STK32C: variants seen among roughly 807,000 people sequenced by gnomAD.
STK32C encodes serine/threonine-protein kinase 32C.
STK32C carries 31 observed loss-of-function variants against 56.5 expected under a neutral mutation model. The ratio of observed to expected loss-of-function variants is 0.55; its 90% CI spans 0.41 to 0.74. STK32C has a LOEUF of 0.74. STK32C is among the 30% of genes least tolerant of loss of function. The pLI, the probability that STK32C is intolerant of heterozygous loss-of-function variation, is 0.00. For synonymous variants in STK32C, 309 were observed against 289.4 expected (o/e 1.07, Z -0.69); for missense variants, 544 against 676.9 (o/e 0.80, Z 2.18).
intron 1 of STK32C, among the ~76,000 whole-genome samples, chr10:132,275,856 G>A (rs2064979758): frequency 6.6e-6 from 1 of 152,136 alleles, no homozygotes; most frequent in Admixed American, 6.5e-5. Flanking sequence ...CCCACCTCCT[G>A]GCATCTCTGA....
chr10:132,320,052 C>G (rs1339972659), downstream of STK32C, among the ~76,000 whole-genome samples: 1 of 151,796 alleles, frequency 6.6e-6, no homozygotes, highest in East Asian at 1.9e-4. Flanking sequence ...TACAGGAGAC[C>G]TCATACAGTA....
At chr10:132,284,009 C>T (rs2065298749) in intron 1 of STK32C, among the ~76,000 whole-genome samples, 1 of 152,078 alleles carries the variant, frequency 6.6e-6, no homozygotes, top group South Asian at 2.1e-4. Context: ...GGAATGTGCC[C>T]TTCTCTGTCA....
intron 1 of STK32C, among the ~76,000 whole-genome samples, chr10:132,280,373 G>A (rs183296536): frequency 9.5e-5 from 13 of 137,326 alleles, no homozygotes; most frequent in East Asian, 4.5e-4. Context: ...CCTGCACTCC[G>A]TGATCACGAC....
At chr10:132,217,039 C>T (rs56162132) in intron 10 of STK32C, among the ~76,000 whole-genome samples, 17,534 of 152,016 alleles carry the variant, frequency 0.12, 1,363 homozygotes, top group South Asian at 0.16. Flanking sequence ...AGAGGGCCAC[C>T]ATCCTCTACA....
chr10:132,324,471 T>C, intron 1 of STK32C: 1 of 655,562 alleles, frequency 1.5e-6, no homozygotes, highest in Non-Finnish European at 2.8e-6. Context: ...ATGATTGGTT[T>C]AGCAGGCACA....
intron 1 of STK32C, among the ~76,000 whole-genome samples, chr10:132,267,001 C>T (rs906548394): frequency 3.3e-5 from 5 of 152,264 alleles, no homozygotes; most frequent in African/African-American, 4.8e-5. Context: ...GTTGGGAGCT[C>T]GGCCGTCACT....
At chr10:132,229,010 T>G (rs1356065823) in intron 2 of STK32C, among the ~76,000 whole-genome samples, 1 of 152,180 alleles carries the variant, frequency 6.6e-6, no homozygotes, top group Non-Finnish European at 1.5e-5. Context: ...GGCTAATTGC[T>G]TAGCAGTGAG....
At chr10:132,228,866 T>A (rs536262399) in intron 2 of STK32C, among the ~76,000 whole-genome samples, 45 of 152,270 alleles carry the variant, frequency 3.0e-4, no homozygotes, top group Non-Finnish European at 6.0e-4. Flanking sequence ...ACACACAGAG[T>A]GAGCGTGGGG....
At position 132,239,350 on chromosome 10, in the gene STK32C, G is replaced by A. The variant is rs115355878; in HGVS notation, c.318+6550C>T. Among the ~76,000 whole-genome samples, 230 of 152,194 alleles carry A rather than the reference G, an allele frequency of 1.5e-3. 1 individual carries two copies. Among genetic ancestry groups the A allele is most frequent in the African/African-American group, 5.0e-3 (209 of 41,478 alleles). On this transcript the variant is annotated intron_variant, in intron 2 of 11. Transcript: ENST00000298630. ...ACCAGCAAACGGTCCTCCCCAAGCTGGGGGAGCCCATCTCACACACACAAT... is the reference window on the plus strand; with the variant it reads ...ACCAGCAAACGGTCCTCCCCAAGCTAGGGGAGCCCATCTCACACACACAAT...
At chr10:132,213,568 C>T (rs1037380129) in intron 10 of STK32C, among the ~76,000 whole-genome samples, 1 of 152,242 alleles carries the variant, frequency 6.6e-6, no homozygotes, top group African/African-American at 2.4e-5. Context: ...TCTACTTCAG[C>T]TCTTATTACC....
intron 1 of STK32C, among the ~76,000 whole-genome samples, chr10:132,298,138 C>T (rs1283180990): frequency 6.6e-6 from 1 of 152,250 alleles, no homozygotes; most frequent in Non-Finnish European, 1.5e-5. Context: ...GGCCCCATGT[C>T]CAGCTCTTCC....
At chr10:132,312,845 G>A (rs980083873), upstream of STK32C, among the ~76,000 whole-genome samples, 1 of 152,172 alleles carries the variant, frequency 6.6e-6, no homozygotes, top group African/African-American at 2.4e-5. Flanking sequence ...TTCGAGACCA[G>A]CCTGGCCAAC....
chr10:132,285,344 T>A (rs1309593279), intron 1 of STK32C, among the ~76,000 whole-genome samples: 1 of 152,168 alleles, frequency 6.6e-6, no homozygotes. Flanking sequence ...ACAGAGAAAA[T>A]TAGCAACACT....
intron 1 of STK32C, among the ~76,000 whole-genome samples, chr10:132,303,644 GT>G (rs1200070495): frequency 6.6e-6 from 1 of 152,204 alleles, no homozygotes; most frequent in Non-Finnish European, 1.5e-5. Context: ...CGTGAAATGT[GT>G]TTAGAGCTGA....
At chr10:132,251,687 A>ACGCCTCC (rs1565111626) in intron 1 of STK32C, among the ~76,000 whole-genome samples, 4 of 151,764 alleles carry the variant, frequency 2.6e-5, no homozygotes, top group Non-Finnish European at 4.4e-5. Context: ...TCAACACCCT[A>ACGCCTCC]TGCCTCCTGG....
chr10:132,226,702 A>AG (rs1302361833), intron 4 of STK32C, 93 bp downstream of exon 4: 3 of 1,472,900 alleles, frequency 2.0e-6, no homozygotes, highest in Non-Finnish European at 2.8e-6. Flanking sequence ...ACCCGCTCTG[A>AG]GGGAGTACGG....
At chr10:132,293,681 A>C (rs866481904) in intron 1 of STK32C, among the ~76,000 whole-genome samples, 21 of 151,996 alleles carry the variant, frequency 1.4e-4, no homozygotes, top group African/African-American at 5.1e-4. Context: ...GCAGGGCCAG[A>C]GTGGGGGTGG....
chr10:132,288,379 T>C (rs948022906), intron 1 of STK32C, among the ~76,000 whole-genome samples: 1 of 152,248 alleles, frequency 6.6e-6, no homozygotes, highest in African/African-American at 2.4e-5. Context: ...TTAAAACTTC[T>C]TTCTCCAAAA....
chr10:132,276,950 C>G (rs1018315480), intron 1 of STK32C, among the ~76,000 whole-genome samples: 2 of 152,264 alleles, frequency 1.3e-5, no homozygotes, highest in Non-Finnish European at 1.5e-5. Flanking sequence ...GTTCCTGTCC[C>G]TCCCCAGCCC....
Sources: allele counts gnomAD v4.1 joint callset (sites outside exome capture counted in the v4.1 genomes callset), GRCh38; gene constraint gnomAD v4.1.1; transcripts MANE v1.5; gene names NCBI Gene and HGNC (gene_info 2026-07-23, HGNC 2026-07-21).